The following DNAH12 variants were observed in gnomAD, a reference collection of about 807,000 sequenced individuals.
DNAH12 encodes dynein axonemal heavy chain 12, also known as axonemal beta dynein heavy chain 12.
A neutral mutation model predicts 371.5 loss-of-function variants in DNAH12; 285 were observed. The ratio of observed to expected loss-of-function variants is 0.77; its 90% CI spans 0.70 to 0.85. The LOEUF is 0.85. Among genes scored for constraint, DNAH12 ranks in the 40% least tolerant of loss-of-function variants. The pLI is 0.00. For synonymous variants in DNAH12, 1,200 were observed against 1,213.0 expected (o/e 0.99, Z 0.22); for missense variants, 3,611 against 3,689.4 (o/e 0.98, Z 0.55).
chr3:57,368,441 A>G (rs940632530), intron 55 of DNAH12, among the ~76,000 whole-genome samples, 181 bp from the exon 56 acceptor site: 1 of 150,312 alleles, frequency 6.7e-6, no homozygotes, highest in African/African-American at 2.5e-5. Flanking sequence ...TTTCTTTCTT[A>G]TTTATTTTTC....
chr3:57,299,949 G>A (rs1034833221), intron 70 of DNAH12, among the ~76,000 whole-genome samples: 3 of 152,180 alleles, frequency 2.0e-5, no homozygotes, highest in Non-Finnish European at 2.9e-5. Context: ...AGGGCCCCAC[G>A]TGGGGGAGAA....
Position 57,453,016 on chromosome 3 carries a change from C to A in DNAH12, c.3614-1G>T. On this transcript the variant is annotated splice_acceptor_variant, in intron 24 of 73. Transcript: ENST00000495027. LOFTEE classifies it high-confidence loss of function. ...AGGAAATCTGTATCATGTGAGACAC[C>A]TAGAAAAAATAAAGTAAAATAAGAC... is the stretch of plus-strand genomic sequence containing the variant. The A allele has an allele frequency of 6.5e-7, 1 of 1,532,758 alleles. No homozygotes were observed. Among genetic ancestry groups the A allele is most frequent in the Non-Finnish European group, 8.8e-7 (1 of 1,142,796 alleles). 94.9% of individuals were successfully genotyped at this position (1,532,758 alleles called of 1,614,324 possible).
chr3:57,304,196 A>C (rs2061422266), intron 69 of DNAH12, among the ~76,000 whole-genome samples: 1 of 152,046 alleles, frequency 6.6e-6, no homozygotes, highest in South Asian at 2.1e-4. Flanking sequence ...GCGTGCACCC[A>C]GGTGATTAAA....
intron 62 of DNAH12, among the ~76,000 whole-genome samples, chr3:57,331,507 A>G (rs1393228963): frequency 5.9e-5 from 9 of 152,184 alleles, no homozygotes; most frequent in Non-Finnish European, 1.3e-4. Context: ...TTAACCAAGT[A>G]CAAAGGTCTT....
rs765618634 is a variant in DNAH12 at position 57,322,361 on chromosome 3, T to C, written c.10506A>G (p.Gly3502=). The C allele has an allele frequency of 3.9e-6, 6 of 1,551,308 alleles. No individual in the cohort carries two copies. In the East Asian group the frequency reaches 9.8e-5, roughly 25 times the overall value. The change falls in exon 65 of 74, where the codon GGA becomes GGG. Residue 3502 remains glycine, a synonymous_variant. Transcript: ENST00000495027. ...DPVSDPEFFK[G]CRGKELAWEK... ...ATATTACCAGTTCCTTTCCACGGCA[T>C]CCCTTGAAAAACTCAGGATCAGAAA...
At chr3:57,448,451 T>G (rs1002822824) in intron 25 of DNAH12, among the ~76,000 whole-genome samples, 10 of 151,824 alleles carry the variant, frequency 6.6e-5, no homozygotes, top group Admixed American at 3.3e-4. Context: ...TCTGGAGTTG[T>G]TCGTTCCTCC....
intron 4 of DNAH12, among the ~76,000 whole-genome samples, chr3:57,518,101 C>T (rs961827635): frequency 3.3e-5 from 5 of 151,942 alleles, no homozygotes; most frequent in African/African-American, 1.2e-4. Flanking sequence ...TATGCCCTCA[C>T]TGTAGTCTCT....
chr3:57,468,055 T>G (rs2066255872), intron 17 of DNAH12, among the ~76,000 whole-genome samples: 1 of 152,144 alleles, frequency 6.6e-6, no homozygotes, highest in African/African-American at 2.4e-5. Flanking sequence ...ATTAAAAAAT[T>G]TTAGCATTTG....
intron 4 of DNAH12, among the ~76,000 whole-genome samples, chr3:57,518,368 T>C (rs1410149738): frequency 6.6e-6 from 1 of 151,826 alleles, no homozygotes; most frequent in Non-Finnish European, 1.5e-5. Flanking sequence ...CTACTAAAAA[T>C]ATAAAAAATT....
chr3:57,299,469 C>A, intron 70 of DNAH12, among the ~76,000 whole-genome samples: 1 of 151,314 alleles, frequency 6.6e-6, no homozygotes. Context: ...AGGATTTATG[C>A]TGGGATTTTA....
intron 23 of DNAH12, 109 bp from the exon 24 acceptor site, chr3:57,453,512 A>C: frequency 3.5e-5 from 35 of 1,009,960 alleles, no homozygotes; most frequent in Non-Finnish European, 3.0e-5. Flanking sequence ...AATCTATCTC[A>C]ATATAGAAAT....
chr3:57,386,580 T>C lies in DNAH12; in HGVS notation c.7463A>G (p.His2488Arg), dbSNP rs1378915842. 2.0e-5 allele frequency: 3 copies of C among 152,216 alleles called. No homozygotes were observed. The highest frequency in any genetic ancestry group is 7.2e-5 in the African/African-American group (3 of 41,460). The allele number at this position is 152,216 out of a possible 1,614,324, so 9.4% of individuals were successfully genotyped here. ...ATAAGAAGTAGCAGTAACATAGTTA[T>C]GTCGTCCTAACTCATGCAAGAACCT... ...SERFLHELGR[H>R]NYVTATSYLE... Residue 2488 changes from histidine to arginine, a missense_variant, in exon 47 of 74, where the codon CAT (histidine) becomes CGT (arginine). By Grantham distance (29) the His-to-Arg change is conservative. This residue lies in a region of DNAH12 where 2,266 missense variants were observed against 2,236.9 expected (regional missense o/e 1.01). Transcript: ENST00000495027.
At chr3:57,547,498 G>A (rs565714178), upstream of DNAH12, among the ~76,000 whole-genome samples, 2 of 151,954 alleles carry the variant, frequency 1.3e-5, no homozygotes, top group Non-Finnish European at 2.9e-5. Flanking sequence ...CCAAAAGTGT[G>A]TTCTTTTACA....
intron 54 of DNAH12, 143 bp from the exon 55 acceptor site, chr3:57,375,659 G>C (rs979015354): frequency 2.6e-5 from 4 of 152,182 alleles, no homozygotes; most frequent in African/African-American, 9.6e-5. Flanking sequence ...GTTGAATAGT[G>C]GAAGTATTTT....
rs781205177 is a variant in DNAH12, at chr3:57,523,885, CT to C, written c.171-2del. 1 of 1,589,514 alleles carries C rather than the reference CT, an allele frequency of 6.3e-7. No homozygotes were observed. Among genetic ancestry groups the C allele is most frequent in the African/African-American group, 1.3e-5 (1 of 74,218 alleles). ...TAAATTTCTTTTGGCTCCATCAATT[CT>C]GAAATTTATAGTTAGAAATATGACT... is the stretch of plus-strand genomic sequence containing the variant. On this transcript the variant is annotated splice_acceptor_variant, in intron 2 of 73. Transcript: ENST00000495027. LOFTEE classifies it high-confidence loss of function.
At chr3:57,538,652 T>G (rs1469061034) in intron 2 of DNAH12, among the ~76,000 whole-genome samples, 1 of 152,220 alleles carries the variant, frequency 6.6e-6, no homozygotes, top group East Asian at 1.9e-4. Flanking sequence ...CTGGTTGACT[T>G]TTCTCCGCAC....
chr3:57,297,721 T>C (rs1424387517), intron 70 of DNAH12, among the ~76,000 whole-genome samples: 1 of 152,148 alleles, frequency 6.6e-6, no homozygotes, highest in African/African-American at 2.4e-5. Context: ...AGTTCAGCTA[T>C]TCATGGTCTT....
At chr3:57,536,229 C>T (rs898997488) in intron 2 of DNAH12, 1 of 149,160 alleles carries the variant, frequency 6.7e-6, no homozygotes, top group African/African-American at 2.4e-5. Context: ...TCTAGTTTAT[C>T]AGTGTCCCTC....
chr3:57,302,568 T>TATATATATATA (rs1491312065), intron 69 of DNAH12, among the ~76,000 whole-genome samples: 12 of 48,572 alleles, frequency 2.5e-4, no homozygotes, highest in African/African-American at 7.2e-4. Context: ...TATATATGTA[T>TATATATATATA]TTTTTTTTTT....
Sources: allele counts gnomAD v4.1 joint callset (sites outside exome capture counted in the v4.1 genomes callset), GRCh38; gene constraint gnomAD v4.1.1; regional missense constraint gnomAD v4.1.1; transcripts MANE v1.5; gene names NCBI Gene and HGNC (gene_info 2026-07-23, HGNC 2026-07-21).